GLT1D1: variants seen among roughly 807,000 people sequenced by gnomAD.
GLT1D1 encodes the protein glycosyltransferase 1 domain-containing protein 1.
Under a neutral mutation model 28.7 loss-of-function variants are expected in GLT1D1, and 21 were observed. That is an observed-to-expected ratio of 0.73 (90% CI 0.52 to 1.05). The LOEUF is 1.05. Among genes scored for constraint, GLT1D1 ranks in the 50% least tolerant of loss-of-function variants. The pLI is 0.00. For missense variants in GLT1D1, 343 were observed against 330.6 expected (o/e 1.04, Z -0.29); for synonymous variants, 147 against 124.8 (o/e 1.18, Z -1.19).
At chr12:128,883,342 A>G (rs957813556) in intron 2 of GLT1D1, among the ~76,000 whole-genome samples, 1 of 151,260 alleles carries the variant, frequency 6.6e-6, no homozygotes, top group Admixed American at 6.6e-5. Flanking sequence ...TTGTAATCCC[A>G]GCACTTTGGG....
chr12:128,969,383 T>TG (rs1878808397), intron 7 of GLT1D1, among the ~76,000 whole-genome samples: 1 of 152,160 alleles, frequency 6.6e-6, no homozygotes, highest in South Asian at 2.1e-4. Context: ...TCTGTATTCT[T>TG]GGGGAGAAGG....
intron 4 of GLT1D1, among the ~76,000 whole-genome samples, chr12:128,931,072 G>A (rs938318626): frequency 6.6e-6 from 1 of 151,392 alleles, no homozygotes; most frequent in Non-Finnish European, 1.5e-5. Context: ...CGTGATCTTG[G>A]CTCACAGCAA....
chr12:128,876,742 G>C (rs896017963), intron 2 of GLT1D1, among the ~76,000 whole-genome samples: 2 of 152,216 alleles, frequency 1.3e-5, no homozygotes, highest in Admixed American at 6.5e-5. Context: ...GTTAAAACCA[G>C]TTTAAAGCAC....
chr12:128,965,732 A>AAAAAAAAAG (rs75853652), intron 7 of GLT1D1, among the ~76,000 whole-genome samples: 9 of 104,584 alleles, frequency 8.6e-5, no homozygotes, highest in South Asian at 3.3e-4. Flanking sequence ...AAAAAAAAAA[A>AAAAAAAAAG]AAAGAAAAAG....
At chr12:128,945,163 G>GC (rs1565902664) in intron 4 of GLT1D1, 163 bp from the exon 9 acceptor site, 8 of 769,420 alleles carry the variant, frequency 1.0e-5, no homozygotes, top group South Asian at 4.3e-5. Context: ...CGAGCCGGGG[G>GC]CCCCCATGAT....
chr12:128,906,009 T>G (rs1365045575), intron 4 of GLT1D1, among the ~76,000 whole-genome samples: 2 of 61,772 alleles, frequency 3.2e-5, no homozygotes, highest in Non-Finnish European at 7.9e-5. Flanking sequence ...AAATTTTGAC[T>G]TTTTTTTTTT....
chr12:128,874,114 CTCTCTCTCTCTCTT>C (rs1193202875), intron 1 of GLT1D1, among the ~76,000 whole-genome samples: 72 of 62,928 alleles, frequency 1.1e-3, no homozygotes, highest in African/African-American at 4.7e-3. Flanking sequence ...CTCTCTCTCT[CTCTCTCTCTCTCTT>C]TCTTTCTTTC....
intron 2 of GLT1D1, among the ~76,000 whole-genome samples, chr12:128,886,516 C>T (rs566655752): frequency 6.6e-6 from 1 of 152,266 alleles, no homozygotes; most frequent in South Asian, 2.1e-4. Flanking sequence ...TCAGCAGCTG[C>T]GCTTCTTCCT....
At chr12:128,973,951 G>GT (rs1491278823) in intron 7 of GLT1D1, among the ~76,000 whole-genome samples, 20 of 22,436 alleles carry the variant, frequency 8.9e-4, no homozygotes, top group African/African-American at 1.8e-3. Flanking sequence ...GTGTGTGTGT[G>GT]GGGGGGGCGC....
In GLT1D1 at chr12:128,984,474, T is replaced by A; in HGVS notation, c.*1384T>A. On this transcript the variant is annotated 3_prime_UTR_variant, in exon 8 of 8. Transcript: ENST00000281703. Reference sequence around the variant, plus strand: ...TAATTCAATGTTTCATTCCGCTGCCTCCATCATGTAATAGAATCGCTTTCC... The same window carrying A: ...TAATTCAATGTTTCATTCCGCTGCCACCATCATGTAATAGAATCGCTTTCC... 6.6e-6 allele frequency: 1 copy of A among 152,318 alleles called. No homozygotes were observed. The allele number at this position is 152,318 out of a possible 1,614,324, so 9.4% of individuals were successfully genotyped here.
At chr12:128,922,162 CTGTGTGTGTGTGTG>C (rs57835879) in intron 4 of GLT1D1, among the ~76,000 whole-genome samples, 5 of 148,798 alleles carry the variant, frequency 3.4e-5, no homozygotes, top group Admixed American at 6.7e-5. Context: ...TATGTAAACT[CTGTGTGTGTGTGTG>C]TGTGTGTGTG....
intron 1 of GLT1D1, among the ~76,000 whole-genome samples, chr12:128,860,194 C>T (rs1593042734): frequency 6.6e-6 from 1 of 152,250 alleles, no homozygotes; most frequent in East Asian, 1.9e-4. Flanking sequence ...GGCGCGGTGG[C>T]TCACGCCTGT....
intron 1 of GLT1D1, among the ~76,000 whole-genome samples, chr12:128,857,412 A>T (rs1956249192): frequency 6.6e-6 from 1 of 152,232 alleles, no homozygotes; most frequent in African/African-American, 2.4e-5. Flanking sequence ...TCAGGCTTTG[A>T]TGTTTATTCA....
At chr12:128,881,402 C>T (rs1256058335) in intron 2 of GLT1D1, among the ~76,000 whole-genome samples, 2 of 147,518 alleles carry the variant, frequency 1.4e-5, no homozygotes, top group African/African-American at 2.5e-5. Context: ...ACCATGGTGG[C>T]GAGTGCCTGT....
intron 4 of GLT1D1, among the ~76,000 whole-genome samples, chr12:128,899,726 A>G (rs1870038044): frequency 6.6e-6 from 1 of 151,334 alleles, no homozygotes; most frequent in Non-Finnish European, 1.5e-5. Context: ...ATTTTTTTGT[A>G]TTTTTAGTAG....
chr12:128,941,569 CTTTTTTT>C (rs550204231), intron 4 of GLT1D1, among the ~76,000 whole-genome samples: 4 of 107,556 alleles, frequency 3.7e-5, no homozygotes, highest in South Asian at 3.4e-4. Context: ...CTCTCTTTCT[CTTTTTTT>C]TTTTTTTTTT....
chr12:128,973,159 C>G (rs1430700751), intron 7 of GLT1D1, among the ~76,000 whole-genome samples: 1 of 89,232 alleles, frequency 1.1e-5, no homozygotes, highest in African/African-American at 3.8e-5. Context: ...TTTGTCTTTT[C>G]TGTTTTGTTT....
rs1030655288 is a variant in GLT1D1 at position 128,984,101 on chromosome 12, C to G, written c.*1011C>G. ...ACTGAATACTGAAATTGTTGCATGC[C>G]TGTGGATTCCTTACGACAATGGGGA... is the stretch of plus-strand genomic sequence containing the variant. On this transcript the variant is annotated 3_prime_UTR_variant, in exon 8 of 8. Coordinates refer to ENST00000281703, the MANE Select transcript of GLT1D1 (RefSeq NM_144669.3). The G allele has an allele frequency of 1.3e-5, 2 of 152,294 alleles. No homozygotes were observed. The highest frequency in any genetic ancestry group is 2.9e-5 in the Non-Finnish European group (2 of 68,110). 9.4% of individuals were successfully genotyped at this position (152,294 alleles called of 1,614,324 possible).
chr12:128,969,804 T>C (rs955932019), intron 7 of GLT1D1, among the ~76,000 whole-genome samples: 1 of 152,206 alleles, frequency 6.6e-6, no homozygotes, highest in Admixed American at 6.5e-5. Context: ...CTCTGCGTCA[T>C]CCTGACACTT....
Sources: gnomAD v4.1 joint callset for allele counts (sites outside exome capture counted in the v4.1 genomes callset) on GRCh38, gnomAD v4.1.1 for gene constraint, MANE v1.5 for transcripts, NCBI Gene and HGNC (gene_info 2026-07-23, HGNC 2026-07-21) for gene names.